The following JADE2 variants were observed in gnomAD, a reference collection of about 807,000 sequenced individuals.
JADE2 encodes E3 ubiquitin-protein ligase Jade-2.
Under a neutral mutation model 85.7 loss-of-function variants are expected in JADE2, and 13 were observed. The ratio of observed to expected loss-of-function variants is 0.15; its 90% CI spans 0.10 to 0.24. The LOEUF is 0.24. Among genes scored for constraint, JADE2 ranks in the 10% least tolerant of loss-of-function variants. JADE2 has a pLI of 1.00. For synonymous variants in JADE2, 440 were observed against 456.1 expected, an observed-to-expected ratio of 0.96 and a Z score of 0.45; for missense variants, 846 against 1,115.9, an observed-to-expected ratio of 0.76 and a Z score of 3.45.
At chr5:134,535,204 G>A (rs746237214) in intron 1 of JADE2, among the ~76,000 whole-genome samples, 1 of 152,204 alleles carries the variant, frequency 6.6e-6, no homozygotes, top group Non-Finnish European at 1.5e-5. Context: ...TTGAGGTAGA[G>A]TTTATTTGTA....
chr5:134,570,137 T>A (rs1763900643), intron 9 of JADE2, among the ~76,000 whole-genome samples: 1 of 152,048 alleles, frequency 6.6e-6, no homozygotes, highest in Non-Finnish European at 1.5e-5. Context: ...TAAGAGCCAC[T>A]CCCTCCACCA....
intron 3 of JADE2, among the ~76,000 whole-genome samples, chr5:134,541,297 A>C (rs536302490): frequency 1.6e-4 from 24 of 152,354 alleles, no homozygotes; most frequent in African/African-American, 5.0e-4. Context: ...ATTCCAACTT[A>C]TCTTGGGGCA....
chr5:134,525,512 G>A (rs1259805266), upstream of JADE2: 1 of 307,254 alleles, frequency 3.3e-6, no homozygotes. Flanking sequence ...GGTTGGGGGG[G>A]CGGCGACGGG....
Position 134,576,908 on chromosome 5 carries a change from C to T in JADE2, c.1681+12C>T. The T allele has an allele frequency of 6.5e-7, 1 of 1,527,598 alleles. No individual in the cohort carries two copies. The highest frequency in any genetic ancestry group is 8.8e-7 in the Non-Finnish European group (1 of 1,136,388). The allele number at this position is 1,527,598 out of a possible 1,614,324, so 94.6% of individuals were successfully genotyped here. A position where few individuals can be genotyped will look rare whatever the true frequency, so the allele number is the denominator to read the frequency against. ...CCTGGGGCAGCTGGGTGAGTGAGGG[C>T]CATGCTGGCCTGCAGACACGGCAGG... On this transcript the variant is annotated intron_variant, in intron 11 of 11. Coordinates refer to ENST00000681547, the MANE Select transcript of JADE2 (RefSeq NM_001388185.1).
chr5:134,547,348 A>G (rs1287943259), intron 3 of JADE2, among the ~76,000 whole-genome samples: 2 of 152,246 alleles, frequency 1.3e-5, no homozygotes, highest in African/African-American at 2.4e-5. Context: ...GCTACAATTA[A>G]CATCTCCTAA....
intron 1 of JADE2, chr5:134,526,852 G>A (rs1760861791): frequency 1.3e-6 from 1 of 783,828 alleles, no homozygotes; most frequent in Non-Finnish European, 1.5e-6. Context: ...GTCCAGCTGG[G>A]GAGAGGCGCT....
intron 6 of JADE2, among the ~76,000 whole-genome samples, chr5:134,561,345 G>T (rs1763307872): frequency 6.6e-6 from 1 of 152,212 alleles, no homozygotes; most frequent in Non-Finnish European, 1.5e-5. Context: ...GTAACTTTAG[G>T]CAAGTTTTGT....
chr5:134,562,250 G>C lies in JADE2; in HGVS notation c.735G>C (p.Thr245=), dbSNP rs114733528. 2 of 1,613,982 alleles carry C rather than the reference G, an allele frequency of 1.2e-6. No homozygotes were observed. The highest frequency in any genetic ancestry group is 8.5e-7 in the Non-Finnish European group (1 of 1,179,954). Residue 245 remains threonine (T), a synonymous_variant, in exon 7 of 12, where the codon ACG becomes ACC. Coordinates refer to ENST00000681547, the MANE Select transcript of JADE2 (RefSeq NM_001388185.1). This position sits in a 1 kb window ranked among gnomAD's most constrained non-coding sequence, Gnocchi z 4.6. ...CCACGGGCAGCTGGCTGTGCCGGAC[G>C]TGTGCCCTGGGTGTCCAGCCAAAGT... ...KVPTGSWLCR[T]CALGVQPKCL... is the part of the protein sequence containing the mutation.
In JADE2 at chr5:134,581,065, C is replaced by G. The variant is rs1764688843; in HGVS notation, c.*1748C>G. ...CATCCACCCCTAACTCCAAAACTAT[C>G]AAGGTACGACAGTGGCATTGTCATC... On this transcript the variant is annotated 3_prime_UTR_variant, in exon 12 of 12. Coordinates refer to ENST00000681547, the MANE Select transcript of JADE2 (RefSeq NM_001388185.1). The G allele has an allele frequency of 6.6e-6, 1 of 152,584 alleles. No homozygotes were observed. The highest frequency in any genetic ancestry group is 2.4e-5 in the African/African-American group (1 of 41,442). 9.5% of individuals were successfully genotyped at this position (152,584 alleles called of 1,614,324 possible). A position where few individuals can be genotyped will look rare whatever the true frequency, so the allele number is the denominator to read the frequency against.
At chr5:134,552,830 G>A (rs1762671153) in intron 4 of JADE2, among the ~76,000 whole-genome samples, 1 of 150,960 alleles carries the variant, frequency 6.6e-6, no homozygotes, top group Admixed American at 6.6e-5. Context: ...ATGCCACCAC[G>A]CCTAGCTAAT....
intron 1 of JADE2, among the ~76,000 whole-genome samples, chr5:134,528,868 G>A (rs1472330215): frequency 6.6e-6 from 1 of 152,192 alleles, no homozygotes; most frequent in East Asian, 1.9e-4. Context: ...ATGTTTTCCC[G>A]TCCAAAATGC....
At chr5:134,526,448 G>A (rs1288419953) in intron 1 of JADE2, 7 of 985,060 alleles carry the variant, frequency 7.1e-6, no homozygotes, top group African/African-American at 1.7e-5. Context: ...GAGGTCGAGC[G>A]GCCCGGGCGG....
intron 1 of JADE2, among the ~76,000 whole-genome samples, chr5:134,528,742 C>CT (rs1761043203): frequency 6.6e-6 from 1 of 152,178 alleles, no homozygotes; most frequent in Non-Finnish European, 1.5e-5. Flanking sequence ...GGCAGCAGGA[C>CT]TTGCAGTGAA....
chr5:134,557,318 A>G (rs1763033122), intron 4 of JADE2, among the ~76,000 whole-genome samples: 2 of 124,408 alleles, frequency 1.6e-5, no homozygotes, highest in Admixed American at 8.1e-5. Context: ...GCTCTTTATT[A>G]GATTATGTTG....
chr5:134,555,126 G>C (rs1171395508), intron 4 of JADE2, among the ~76,000 whole-genome samples: 2 of 151,740 alleles, frequency 1.3e-5, no homozygotes, highest in African/African-American at 2.4e-5. Flanking sequence ...CCCTCCCCCA[G>C]CTGCCACCCC....
At chr5:134,539,000 G>A (rs1208696018) in intron 3 of JADE2, among the ~76,000 whole-genome samples, 2 of 151,156 alleles carry the variant, frequency 1.3e-5, no homozygotes, top group South Asian at 2.1e-4. Context: ...GGGATTACAG[G>A]TGCACACAGC....
Position 134,538,141 on chromosome 5 carries a change from G to C in JADE2, c.153+58G>C, listed in dbSNP as rs1046362801. On this transcript the variant is annotated intron_variant, in intron 3 of 11. Transcript: ENST00000681547. ...GGGAGTGAGAGTGAGCTGCCCTGCG[G>C]AGACTGGGGCAGAGCATTCCTGGCA... 2.9e-6 allele frequency: 4 copies of C among 1,367,080 alleles called. No homozygotes were observed. The African/African-American group carries it at 5.7e-5, about 20-fold the overall frequency. The allele number at this position is 1,367,080 out of a possible 1,614,324, so 84.7% of individuals were successfully genotyped here.
At chr5:134,568,326 C>G (rs1461083177) in intron 9 of JADE2, among the ~76,000 whole-genome samples, 4 of 152,170 alleles carry the variant, frequency 2.6e-5, no homozygotes, top group Non-Finnish European at 4.4e-5. Flanking sequence ...GGACCTCAGT[C>G]GGGGGCAGAA....
intron 3 of JADE2, among the ~76,000 whole-genome samples, chr5:134,542,272 C>A (rs1335055759): frequency 6.6e-6 from 1 of 152,178 alleles, no homozygotes; most frequent in Non-Finnish European, 1.5e-5. Context: ...CTGGCCTTGC[C>A]TGGCTCACTA....
Sources: gnomAD v4.1 joint callset for allele counts (sites outside exome capture counted in the v4.1 genomes callset) on GRCh38, gnomAD v4.1.1 for gene constraint, Gnocchi (gnomAD v3.1) non-coding constraint, MANE v1.5 for transcripts, NCBI Gene and HGNC (gene_info 2026-07-23, HGNC 2026-07-21) for gene names.